The following ACYP2 variants were observed in gnomAD, a reference collection of about 807,000 sequenced individuals.
ACYP2 encodes acylphosphatase-2.
A neutral mutation model predicts 11.2 loss-of-function variants in ACYP2; 12 were observed. The observed-to-expected ratio is 1.08, with a 90% CI of 0.69 to 1.74. ACYP2 has a LOEUF of 1.74. Ranked by LOEUF, ACYP2 falls within the 40% of genes most tolerant of loss-of-function variation. The pLI is 0.00. For synonymous variants in ACYP2, 43 were observed against 32.2 expected, an observed-to-expected ratio of 1.33 and a Z score of -1.13; for missense variants, 134 against 101.9, an observed-to-expected ratio of 1.31 and a Z score of -1.35.
chr2:54,219,791 A>ATGTGTGTGTGTGTGTGTGTTTG (rs1685703735), intron 6 of ACYP2, among the ~76,000 whole-genome samples: 1 of 128,068 alleles, frequency 7.8e-6, no homozygotes, highest in Non-Finnish European at 1.6e-5. Context: ...GCTAATTTTT[A>ATGTGTGTGTGTGTGTGTGTTTG]TGTGTGTGTG....
rs1261575634 is a variant in ACYP2, at chr2:54,026,561, T to C, written c.63-24397T>C. The stretch of plus-strand genomic sequence containing the variant: ...GATCCAGCAATCCCATTACTGGGTA[T>C]CTACCCAGAGGAAAATAAGTCATTA... On this transcript the variant is annotated intron_variant, in intron 2 of 6. Transcript: ENST00000607452. 1.8e-4 allele frequency among the ~76,000 whole-genome samples: 8 copies of C among 44,684 alleles called. No homozygotes were observed. In the South Asian group the frequency reaches 6.4e-3, roughly 36 times the overall value. 29.3% of individuals were successfully genotyped at this position (44,684 alleles called of 152,430 possible). A position where few individuals can be genotyped will look rare whatever the true frequency, so the allele number is the denominator to read the frequency against.
chr2:54,148,237 G>A (rs141525476), intron 6 of ACYP2, among the ~76,000 whole-genome samples: 128 of 152,114 alleles, frequency 8.4e-4, no homozygotes, highest in African/African-American at 2.8e-3. Flanking sequence ...AATTGGCTTG[G>A]TTTTTTGATG....
At chr2:54,277,247 A>G (rs777520515) in intron 6 of ACYP2, among the ~76,000 whole-genome samples, 11 of 152,210 alleles carry the variant, frequency 7.2e-5, no homozygotes, top group Non-Finnish European at 1.5e-4. Context: ...CCAATGGGAG[A>G]TTCAGTGACA....
chr2:54,284,595 T>A (rs1439505755), intron 6 of ACYP2, among the ~76,000 whole-genome samples: 1 of 152,184 alleles, frequency 6.6e-6, no homozygotes, highest in African/African-American at 2.4e-5. Context: ...CCTTTTTTTT[T>A]ATCCCATCAT....
At chr2:54,285,053 C>T (rs542534148) in intron 6 of ACYP2, among the ~76,000 whole-genome samples, 24 of 152,324 alleles carry the variant, frequency 1.6e-4, no homozygotes, top group African/African-American at 3.4e-4. Context: ...CTAGCAGATT[C>T]AGCGTCTGGT....
At chr2:54,253,226 G>T (rs1053481908) in intron 6 of ACYP2, 1 of 152,204 alleles carries the variant, frequency 6.6e-6, no homozygotes, top group African/African-American at 2.4e-5. Flanking sequence ...ATAGTTTCCA[G>T]TCTTCCGCAT....
chr2:54,269,889 TCCA>T (rs1444928456), intron 6 of ACYP2, among the ~76,000 whole-genome samples: 2 of 152,186 alleles, frequency 1.3e-5, no homozygotes, highest in African/African-American at 4.8e-5. Context: ...TTTTCCAGTT[TCCA>T]TAATAATAAT....
chr2:54,223,620 A>C (rs1685888743), intron 6 of ACYP2, among the ~76,000 whole-genome samples: 1 of 152,204 alleles, frequency 6.6e-6, no homozygotes, highest in Admixed American at 6.5e-5. Context: ...CTTCTGGATA[A>C]GCCAAACTAC....
intron 6 of ACYP2, among the ~76,000 whole-genome samples, chr2:54,228,711 G>GAA (rs1254436267): frequency 6.6e-6 from 1 of 150,732 alleles, no homozygotes; most frequent in Non-Finnish European, 1.5e-5. Flanking sequence ...GGAGAGAAAA[G>GAA]AAAAAAAAGG....
intron 1 of ACYP2, among the ~76,000 whole-genome samples, chr2:53,971,644 C>A (rs967512791): frequency 6.6e-6 from 1 of 152,112 alleles, no homozygotes; most frequent in Non-Finnish European, 1.5e-5. Context: ...GAGATAAAGA[C>A]GTGAATTACA....
chr2:54,027,487 A>G (rs1674347924), intron 2 of ACYP2, among the ~76,000 whole-genome samples: 1 of 152,190 alleles, frequency 6.6e-6, no homozygotes, highest in South Asian at 2.1e-4. Context: ...TCTTCCAATC[A>G]TACTTCAGAC....
At chr2:54,065,443 A>G in intron 4 of ACYP2, 1 of 398,594 alleles carries the variant, frequency 2.5e-6, no homozygotes, top group Non-Finnish European at 4.4e-6. Context: ...GACCAATTGT[A>G]TGTACATTTT....
At chr2:54,041,306 G>C (rs2104563167) in intron 2 of ACYP2, among the ~76,000 whole-genome samples, 1 of 152,236 alleles carries the variant, frequency 6.6e-6, no homozygotes, top group African/African-American at 2.4e-5. Flanking sequence ...AGGAAGCCCA[G>C]AATATGGGCA....
At chr2:54,238,322 C>T (rs1218028708) in intron 6 of ACYP2, among the ~76,000 whole-genome samples, 1 of 152,092 alleles carries the variant, frequency 6.6e-6, no homozygotes, top group Non-Finnish European at 1.5e-5. Flanking sequence ...TTTTCCCACC[C>T]CCTCCTCACA....
At chr2:54,072,004 C>G (rs1014095487) in intron 4 of ACYP2, among the ~76,000 whole-genome samples, 2 of 151,980 alleles carry the variant, frequency 1.3e-5, no homozygotes, top group Admixed American at 6.6e-5. Context: ...GAGCGAGACT[C>G]TGTCTCAAAA....
At chr2:53,978,953 C>T (rs1671621247) in intron 2 of ACYP2, among the ~76,000 whole-genome samples, 1 of 151,774 alleles carries the variant, frequency 6.6e-6, no homozygotes, top group Non-Finnish European at 1.5e-5. Context: ...AGCATATACA[C>T]TCATACAGCA....
At chr2:53,991,410 C>CTTT (rs200668201) in intron 2 of ACYP2, among the ~76,000 whole-genome samples, 1 of 141,860 alleles carries the variant, frequency 7.0e-6, no homozygotes, top group African/African-American at 2.6e-5. Flanking sequence ...ACTTTTTTTT[C>CTTT]TTTTTTTTTT....
intron 6 of ACYP2, among the ~76,000 whole-genome samples, chr2:54,204,004 G>A (rs1252545906): frequency 6.6e-6 from 1 of 151,998 alleles, no homozygotes; most frequent in African/African-American, 2.4e-5. Flanking sequence ...TGTTGTTATT[G>A]TTGTTTTTAA....
At chr2:54,001,433 G>A (rs13429520) in intron 2 of ACYP2, among the ~76,000 whole-genome samples, 2 of 151,886 alleles carry the variant, frequency 1.3e-5, no homozygotes, top group African/African-American at 2.4e-5. Flanking sequence ...TGCTCTTGTC[G>A]CCCAGGTTGA....
Sources: gnomAD v4.1 joint callset for allele counts (sites outside exome capture counted in the v4.1 genomes callset) on GRCh38, gnomAD v4.1.1 for gene constraint, MANE v1.5 for transcripts, NCBI Gene and HGNC (gene_info 2026-07-23, HGNC 2026-07-21) for gene names.